KCNQ1OT1: variants seen among roughly 807,000 people sequenced by gnomAD.
The protein encoded by KCNQ1OT1 is KCNQ1 antisense RNA 2 (non-protein coding).
At position 2,611,200 on chromosome 11, in the gene KCNQ1OT1, C is replaced by A; in HGVS notation, n.88795G>T. ...TAATAACATGGTTTGTTTTTAAAGT[C>A]TATTTTGTCTGATTTTATTTATTTT... is the stretch of plus-strand genomic sequence containing the variant. On this transcript the variant is annotated non_coding_transcript_exon_variant, in exon 1 of 1. Transcript: ENST00000597346. The surrounding 1 kb of genome is among the most constrained non-coding windows in gnomAD (Gnocchi z 5.3). 5.0e-6 allele frequency: 2 copies of A among 398,176 alleles called. No individual in the cohort carries two copies. The highest frequency in any genetic ancestry group is 4.4e-6 in the Non-Finnish European group (1 of 225,970). The allele number at this position is 398,176 out of a possible 1,614,324, so 24.7% of individuals were successfully genotyped here.
exon 1 of KCNQ1OT1, chr11:2,635,446 C>T (rs1236397625): frequency 6.6e-6 from 1 of 152,170 alleles, no homozygotes. Context: ...GGAATCCTTT[C>T]CCCATTTCTT....
chr11:2,648,625 G>A (rs1049674550), exon 1 of KCNQ1OT1: 2 of 398,318 alleles, frequency 5.0e-6, no homozygotes, highest in Admixed American at 8.8e-5. Flanking sequence ...TTCCATTGTG[G>A]TCTGAGAAGA....
exon 1 of KCNQ1OT1, chr11:2,672,421 C>G (rs149264822): frequency 2.5e-6 from 1 of 398,600 alleles, no homozygotes; most frequent in East Asian, 3.6e-5. Context: ...GAGTACAGAA[C>G]AGTCCACCCC....
exon 1 of KCNQ1OT1, chr11:2,692,094 C>T (rs1278796361): frequency 5.0e-6 from 2 of 398,646 alleles, no homozygotes; most frequent in Non-Finnish European, 8.8e-6. Context: ...GCCCCCACCT[C>T]CTCTCCACAG....
In KCNQ1OT1 at chr11:2,624,747, C is replaced by G. The variant is rs1040876041; in HGVS notation, n.75248G>C. On this transcript the variant is annotated non_coding_transcript_exon_variant, in exon 1 of 1. Transcript: ENST00000597346. This position sits in a 1 kb window ranked among gnomAD's most constrained non-coding sequence, Gnocchi z 4.9. ...ATTAAACAATAATTCCCCAACCCCC[C>G]CACCACCGCCATCTCTTGGAAACCA... 2.0e-5 allele frequency: 8 copies of G among 398,508 alleles called. No homozygotes were observed. In the Admixed American group the frequency reaches 2.6e-4, roughly 13 times the overall value. The allele number at this position is 398,508 out of a possible 1,614,324, so 24.7% of individuals were successfully genotyped here. A position where few individuals can be genotyped will look rare whatever the true frequency, so the allele number is the denominator to read the frequency against.
chr11:2,610,854 T>C (rs1405692628), exon 1 of KCNQ1OT1: 3 of 398,000 alleles, frequency 7.5e-6, no homozygotes, highest in Non-Finnish European at 1.3e-5. Flanking sequence ...GGGAGGGTAT[T>C]AAGCAGAGTG....
Position 2,624,640 on chromosome 11 carries a change from G to C in KCNQ1OT1, n.75355C>G. On this transcript the variant is annotated non_coding_transcript_exon_variant, in exon 1 of 1. Coordinates refer to ENST00000597346, the Ensembl canonical transcript of KCNQ1OT1. This position sits in a 1 kb window ranked among gnomAD's most constrained non-coding sequence, Gnocchi z 4.9. ...AGTGTACAATTCAGTGAATGTATTA[G>C]ATACGTTCACAATGCTGTGCAATCA... is the stretch of plus-strand genomic sequence containing the variant. 2 of 398,434 alleles carry C rather than the reference G, an allele frequency of 5.0e-6. No homozygotes were observed. The highest frequency in any genetic ancestry group is 3.6e-5 in the East Asian group (1 of 28,058). The allele number at this position is 398,434 out of a possible 1,614,324, so 24.7% of individuals were successfully genotyped here. A position where few individuals can be genotyped will look rare whatever the true frequency, so the allele number is the denominator to read the frequency against.
exon 1 of KCNQ1OT1, chr11:2,610,630 G>C: frequency 2.5e-6 from 1 of 394,958 alleles, no homozygotes. Flanking sequence ...CTGCTAACAA[G>C]GAATTCTGTT....
chr11:2,693,742 A>G (rs1850627816), exon 1 of KCNQ1OT1: 2 of 398,584 alleles, frequency 5.0e-6, no homozygotes, highest in South Asian at 2.5e-4. Flanking sequence ...CCTGGGTTAT[A>G]CAGGCTCCTG....
In KCNQ1OT1 at chr11:2,657,399, A is replaced by G. The variant is rs1849868818; in HGVS notation, n.42596T>C. 5.0e-6 allele frequency: 2 copies of G among 398,506 alleles called. No homozygotes were observed. The highest frequency in any genetic ancestry group is 2.1e-5 in the African/African-American group (1 of 48,724). 24.7% of individuals were successfully genotyped at this position (398,506 alleles called of 1,614,324 possible). A position where few individuals can be genotyped will look rare whatever the true frequency, so the allele number is the denominator to read the frequency against. On this transcript the variant is annotated non_coding_transcript_exon_variant, in exon 1 of 1. Coordinates refer to ENST00000597346, the Ensembl canonical transcript of KCNQ1OT1. The surrounding 1 kb of genome is among the most constrained non-coding windows in gnomAD (Gnocchi z 4.8). ...CATTGTCTCTTACTAAAGTTTTACA[A>G]TTTTCTCCAGAGTTCTTGCATATAC... is the stretch of plus-strand genomic sequence containing the variant.
chr11:2,622,545 GTACT>G (rs906201066), exon 1 of KCNQ1OT1: 1 of 398,210 alleles, frequency 2.5e-6, no homozygotes, highest in African/African-American at 2.1e-5. Context: ...TACATTTAAA[GTACT>G]TACTTATAAA....
rs1275439023 is a variant in KCNQ1OT1, at chr11:2,621,295, G to A, written n.78700C>T. On this transcript the variant is annotated non_coding_transcript_exon_variant, in exon 1 of 1. Transcript: ENST00000597346. This position sits in a 1 kb window ranked among gnomAD's most constrained non-coding sequence, Gnocchi z 5.7. ...GCCTGGCCTCATTATTTGCATTTCTGATTATTAGTGATCATGAGAATGTTT... is the reference window on the plus strand; with the variant it reads ...GCCTGGCCTCATTATTTGCATTTCTAATTATTAGTGATCATGAGAATGTTT... 1 of 398,232 alleles carries A rather than the reference G, an allele frequency of 2.5e-6. No homozygotes were observed. The highest frequency in any genetic ancestry group is 3.6e-5 in the East Asian group (1 of 28,084). The allele number at this position is 398,232 out of a possible 1,614,324, so 24.7% of individuals were successfully genotyped here.
chr11:2,629,534 C>A, exon 1 of KCNQ1OT1: 1 of 398,408 alleles, frequency 2.5e-6, no homozygotes, highest in Non-Finnish European at 4.4e-6. Flanking sequence ...GTCTCGACTT[C>A]ATTCTCTCAC....
rs1849912969 is a variant in KCNQ1OT1 at position 2,659,526 on chromosome 11, T to C, written n.40469A>G. ...CACCTGTTGAAGGACATCTTCATTG[T>C]TTCCAGTATTTGGTAATTATGAGCA... is the stretch of plus-strand genomic sequence containing the variant. On this transcript the variant is annotated non_coding_transcript_exon_variant, in exon 1 of 1. Transcript: ENST00000597346. The surrounding 1 kb of genome is among the most constrained non-coding windows in gnomAD (Gnocchi z 4.3). The C allele has an allele frequency of 2.5e-6, 1 of 398,606 alleles. No individual in the cohort carries two copies. The highest frequency in any genetic ancestry group is 3.6e-5 in the East Asian group (1 of 28,052). 24.7% of individuals were successfully genotyped at this position (398,606 alleles called of 1,614,324 possible). A position where few individuals can be genotyped will look rare whatever the true frequency, so the allele number is the denominator to read the frequency against.
chr11:2,613,670 A>C lies in KCNQ1OT1; in HGVS notation n.86325T>G. ...ATCAAGGTGCTCATTCCACCACCTCAGAAGTGGTCCCTATCTTGTTAATTT... is the reference window on the plus strand; with the variant it reads ...ATCAAGGTGCTCATTCCACCACCTCCGAAGTGGTCCCTATCTTGTTAATTT... On this transcript the variant is annotated non_coding_transcript_exon_variant, in exon 1 of 1. Transcript: ENST00000597346. The surrounding 1 kb of genome is among the most constrained non-coding windows in gnomAD (Gnocchi z 4.8). 1 of 398,608 alleles carries C rather than the reference A, an allele frequency of 2.5e-6. No individual in the cohort carries two copies. The highest frequency in any genetic ancestry group is 4.4e-6 in the Non-Finnish European group (1 of 226,060). The allele number at this position is 398,608 out of a possible 1,614,324, so 24.7% of individuals were successfully genotyped here.
chr11:2,683,318 A>G lies in KCNQ1OT1; in HGVS notation n.16677T>C, dbSNP rs1054796299. 1.9e-4 allele frequency: 76 copies of G among 398,604 alleles called. No individual in the cohort carries two copies. Among genetic ancestry groups the G allele is most frequent in the African/African-American group, 1.5e-3 (72 of 48,748 alleles). 24.7% of individuals were successfully genotyped at this position (398,604 alleles called of 1,614,324 possible). A position where few individuals can be genotyped will look rare whatever the true frequency, so the allele number is the denominator to read the frequency against. The stretch of plus-strand genomic sequence containing the variant: ...TTGCAAAACCAGACACATAGAGGCC[A>G]GGTTTCCCCCGCTCAACACTAGGCC... On this transcript the variant is annotated non_coding_transcript_exon_variant, in exon 1 of 1. Transcript: ENST00000597346. The surrounding 1 kb of genome is among the most constrained non-coding windows in gnomAD (Gnocchi z 4.7).
exon 1 of KCNQ1OT1, chr11:2,615,964 T>C (rs1849055859): frequency 2.5e-6 from 1 of 398,170 alleles, no homozygotes; most frequent in Non-Finnish European, 4.4e-6. Context: ...TTTGGTATAA[T>C]TCAACAGTGA....
chr11:2,681,628 C>T (rs747514966), exon 1 of KCNQ1OT1: 7 of 395,452 alleles, frequency 1.8e-5, no homozygotes, highest in Non-Finnish European at 3.1e-5. Flanking sequence ...CACCCAACCT[C>T]CCCCAACCTA....
exon 1 of KCNQ1OT1, chr11:2,610,301 T>G (rs1320404295): frequency 5.0e-6 from 2 of 397,976 alleles, no homozygotes; most frequent in African/African-American, 2.1e-5. Flanking sequence ...CCACTTTTTG[T>G]GGTATTGTTA....
Sources: gnomAD v4.1 joint callset for allele counts on GRCh38, gnomAD v4.1.1 for gene constraint, Gnocchi (gnomAD v3.1) non-coding constraint, MANE v1.5 for transcripts, NCBI Gene and HGNC (gene_info 2026-07-23, HGNC 2026-07-21) for gene names.